Variants in GPC5 observed in about 807,000 individuals in gnomAD.
The protein encoded by GPC5 is glypican 5, also known as glypican-5.
A neutral mutation model predicts 53.9 loss-of-function variants in GPC5; 47 were observed. The ratio of observed to expected loss-of-function variants is 0.87; its 90% CI spans 0.69 to 1.11. GPC5 has a LOEUF of 1.11. Among genes scored for constraint, GPC5 ranks in the 50% most tolerant of loss-of-function variants. GPC5 has a pLI of 0.00. For missense variants in GPC5, 748 were observed against 713.1 expected, an observed-to-expected ratio of 1.05 and a Z score of -0.56; for synonymous variants, 286 against 263.3, an observed-to-expected ratio of 1.09 and a Z score of -0.84.
intron 6 of GPC5, among the ~76,000 whole-genome samples, chr13:91,948,433 T>C (rs1180602649): frequency 6.6e-6 from 1 of 152,042 alleles, no homozygotes; most frequent in African/African-American, 2.4e-5. Context: ...TACTACTTTC[T>C]AGGCACTGTT....
chr13:92,462,828 T>C (rs910636082), intron 7 of GPC5, among the ~76,000 whole-genome samples: 2 of 151,514 alleles, frequency 1.3e-5, no homozygotes, highest in African/African-American at 4.8e-5. Context: ...GTGATTCTCC[T>C]GCCTCAGCCT....
chr13:92,155,864 A>G (rs769403569), intron 7 of GPC5, among the ~76,000 whole-genome samples: 2 of 152,092 alleles, frequency 1.3e-5, no homozygotes, highest in Non-Finnish European at 2.9e-5. Flanking sequence ...GAAGTGCTAT[A>G]TCTCATTTTA....
chr13:92,641,287 C>G (rs1159446978), intron 7 of GPC5, among the ~76,000 whole-genome samples: 1 of 152,042 alleles, frequency 6.6e-6, no homozygotes, highest in African/African-American at 2.4e-5. Flanking sequence ...ATCACTGCTG[C>G]ATTATTCCAC....
At chr13:92,700,462 T>C (rs897256279) in intron 7 of GPC5, among the ~76,000 whole-genome samples, 6 of 152,200 alleles carry the variant, frequency 3.9e-5, no homozygotes, top group Middle Eastern at 6.8e-3. Flanking sequence ...TAGTGTTAGG[T>C]ATGCATTTAA....
chr13:92,171,117 T>C (rs1194182142), intron 7 of GPC5, among the ~76,000 whole-genome samples: 1 of 152,162 alleles, frequency 6.6e-6, no homozygotes, highest in Non-Finnish European at 1.5e-5. Context: ...TTCCACAAGA[T>C]ATTCATATCT....
At chr13:91,483,426 A>G (rs889319720) in intron 2 of GPC5, among the ~76,000 whole-genome samples, 1 of 152,188 alleles carries the variant, frequency 6.6e-6, no homozygotes, top group African/African-American at 2.4e-5. Flanking sequence ...AATTAATTCT[A>G]TCTAGGAATC....
chr13:91,831,920 A>G (rs2038664594), intron 5 of GPC5, among the ~76,000 whole-genome samples: 1 of 151,964 alleles, frequency 6.6e-6, no homozygotes, highest in African/African-American at 2.4e-5. Flanking sequence ...AGGTGCTGAG[A>G]ATTATGCATA....
At chr13:91,853,333 A>G (rs2038934216) in intron 5 of GPC5, among the ~76,000 whole-genome samples, 1 of 152,048 alleles carries the variant, frequency 6.6e-6, no homozygotes, top group Admixed American at 6.6e-5. Flanking sequence ...TTTCATTTAA[A>G]ATATCATAGT....
intron 7 of GPC5, chr13:92,659,369 A>G (rs1440944627): frequency 7.3e-6 from 1 of 137,706 alleles, no homozygotes; most frequent in African/African-American, 2.8e-5. Flanking sequence ...ATTTTCTTTC[A>G]CTCCCTGGGT....
chr13:91,950,138 G>T (rs1019869804), intron 6 of GPC5, among the ~76,000 whole-genome samples: 3 of 151,858 alleles, frequency 2.0e-5, no homozygotes, highest in Admixed American at 6.6e-5. Flanking sequence ...TTGACAGCAG[G>T]GTCAGCAGAT....
chr13:92,380,079 C>A lies in GPC5; in HGVS notation c.1561+235090C>A, dbSNP rs186204885. ...TATTATCGTGCAGGCTGCTTTGATG[C>A]AAAGCTACCCTTCAGCCTGCCATTT... is the stretch of plus-strand genomic sequence containing the variant. On this transcript the variant is annotated intron_variant, in intron 7 of 7. Transcript: ENST00000377067. 1.3e-3 allele frequency among the ~76,000 whole-genome samples: 198 copies of A among 152,338 alleles called. 1 individual carries two copies. Among genetic ancestry groups the A allele is most frequent in the Non-Finnish European group, 2.2e-3 (149 of 68,026 alleles).
intron 7 of GPC5, among the ~76,000 whole-genome samples, chr13:92,357,761 G>C (rs1025167843): frequency 4.6e-5 from 7 of 151,488 alleles, no homozygotes; most frequent in Non-Finnish European, 1.0e-4. Context: ...CCCATGTTTA[G>C]AGAATTCACT....
In GPC5 at chr13:92,731,308, A is replaced by C. The variant is rs181810791; in HGVS notation, c.1562-134974A>C. On this transcript the variant is annotated intron_variant, in intron 7 of 7. Coordinates refer to ENST00000377067, the MANE Select transcript of GPC5 (RefSeq NM_004466.6). ...AATAAACTTTCTGAAACTAAATGTC[A>C]GGATTTCTAAAATAGAGTTATTTAA... 2.1e-3 allele frequency among the ~76,000 whole-genome samples: 315 copies of C among 151,732 alleles called. 1 individual carries two copies. The highest frequency in any genetic ancestry group is 7.3e-3 in the African/African-American group (305 of 41,510).
chr13:91,576,779 G>A (rs1305228726), intron 2 of GPC5, among the ~76,000 whole-genome samples: 5 of 152,136 alleles, frequency 3.3e-5, no homozygotes, highest in Non-Finnish European at 1.5e-5. Flanking sequence ...GGAGGAAGCA[G>A]AAATCTCCTG....
At chr13:91,927,580 T>G (rs2039781159) in intron 6 of GPC5, among the ~76,000 whole-genome samples, 1 of 152,192 alleles carries the variant, frequency 6.6e-6, no homozygotes, top group African/African-American at 2.4e-5. Flanking sequence ...TTTTTTTGTC[T>G]TCAGAAAAAT....
At chr13:92,440,500 A>T (rs1358840037) in intron 7 of GPC5, among the ~76,000 whole-genome samples, 1 of 152,150 alleles carries the variant, frequency 6.6e-6, no homozygotes, top group Non-Finnish European at 1.5e-5. Flanking sequence ...TTTAGTCACC[A>T]TCAATGGGCA....
At chr13:92,516,866 G>A (rs531493885) in intron 7 of GPC5, among the ~76,000 whole-genome samples, 4 of 152,102 alleles carry the variant, frequency 2.6e-5, no homozygotes, top group African/African-American at 7.2e-5. Flanking sequence ...AGTGTGAGCC[G>A]AAGCAGGGTG....
chr13:92,718,341 A>G (rs1279299943), intron 7 of GPC5, among the ~76,000 whole-genome samples: 1 of 152,330 alleles, frequency 6.6e-6, no homozygotes, highest in South Asian at 2.1e-4. Flanking sequence ...AAAATGCGGT[A>G]CACAATGAAG....
At chr13:92,624,459 C>T (rs1158118391) in intron 7 of GPC5, among the ~76,000 whole-genome samples, 2 of 152,152 alleles carry the variant, frequency 1.3e-5, no homozygotes, top group Non-Finnish European at 1.5e-5. Flanking sequence ...CTGCCATGTC[C>T]ATTCACACAT....
Sources: allele counts gnomAD v4.1 joint callset (sites outside exome capture counted in the v4.1 genomes callset), GRCh38; gene constraint gnomAD v4.1.1; transcripts MANE v1.5; gene names NCBI Gene and HGNC (gene_info 2026-07-23, HGNC 2026-07-21).